ASB4: variants seen among roughly 807,000 people sequenced by gnomAD.
The protein encoded by ASB4 is ankyrin repeat and SOCS box protein 4.
In ASB4, 35 loss-of-function variants were observed where a neutral mutation model predicts 38.6. The ratio of observed to expected loss-of-function variants is 0.91; its 90% CI spans 0.69 to 1.20. The LOEUF (loss-of-function observed/expected upper bound fraction) is 1.20, where lower values mean the gene tolerates loss of function less well. Ranked by LOEUF, ASB4 falls within the 50% of genes most tolerant of loss-of-function variation. ASB4 has a pLI of 0.00. For missense variants in ASB4, 557 were observed against 527.2 expected (o/e 1.06, Z -0.55); for synonymous variants, 195 against 201.3 (o/e 0.97, Z 0.26).
intron 3 of ASB4, among the ~76,000 whole-genome samples, chr7:95,528,995 CT>C (rs2116647841): frequency 6.6e-6 from 1 of 152,238 alleles, no homozygotes. Flanking sequence ...CACGGTTTTT[CT>C]TAACAACATT....
intron 2 of ASB4, among the ~76,000 whole-genome samples, chr7:95,508,334 G>A (rs187393809): frequency 3.3e-5 from 5 of 152,088 alleles, no homozygotes; most frequent in Admixed American, 6.6e-5. Flanking sequence ...CCCTTTGAAG[G>A]GCATTTTTTA....
chr7:95,502,517 T>C (rs1194960261), intron 2 of ASB4, among the ~76,000 whole-genome samples: 1 of 152,140 alleles, frequency 6.6e-6, no homozygotes, highest in Non-Finnish European at 1.5e-5. Flanking sequence ...TGTCATTTAC[T>C]TAGGGCCTCA....
rs568404302 is a variant in ASB4, at chr7:95,519,726, A to G, written c.488-8087A>G. On this transcript the variant is annotated intron_variant, in intron 2 of 4. Coordinates refer to ENST00000325885, the MANE Select transcript of ASB4 (RefSeq NM_016116.3). ...CATGGTCTTTCTGACCTGTCTTAAT[A>G]CCTTTTCTAAGAAAAGTGTAATTTT... Among the ~76,000 whole-genome samples, 3 of 152,286 alleles carry G rather than the reference A, an allele frequency of 2.0e-5. No individual in the cohort carries two copies. The South Asian group carries it at 6.2e-4, about 32-fold the overall frequency.
chr7:95,501,148 A>G (rs750547646), intron 2 of ASB4, among the ~76,000 whole-genome samples: 1 of 152,136 alleles, frequency 6.6e-6, no homozygotes, highest in Admixed American at 6.6e-5. Flanking sequence ...TTTTTGTCTC[A>G]CTTTTCGTAA....
upstream of ASB4, among the ~76,000 whole-genome samples, chr7:95,477,244 T>C (rs1789985683): frequency 6.6e-6 from 1 of 152,174 alleles, no homozygotes; most frequent in African/African-American, 2.4e-5. Flanking sequence ...ATTCTCTCTC[T>C]AGAAAAACGT....
At chr7:95,481,489 A>G (rs1790021125), upstream of ASB4, among the ~76,000 whole-genome samples, 1 of 152,230 alleles carries the variant, frequency 6.6e-6, no homozygotes, top group South Asian at 2.1e-4. Flanking sequence ...CATCTAATTC[A>G]GCTGCTGAGA....
At chr7:95,533,898 T>G (rs1054101511) in intron 3 of ASB4, among the ~76,000 whole-genome samples, 2 of 152,234 alleles carry the variant, frequency 1.3e-5, no homozygotes, top group Non-Finnish European at 2.9e-5. Context: ...TATTAGGATT[T>G]CTGAAGCTGT....
At chr7:95,545,459 T>A in the ASB4 span, among the ~76,000 whole-genome samples, 1 of 152,216 alleles carries the variant, frequency 6.6e-6, no homozygotes, top group Non-Finnish European at 1.5e-5. Flanking sequence ...AGTTTCTCTC[T>A]GTGTAGCACT....
chr7:95,519,145 A>C (rs1790625411), intron 2 of ASB4, among the ~76,000 whole-genome samples: 1 of 152,196 alleles, frequency 6.6e-6, no homozygotes, highest in Admixed American at 6.5e-5. Flanking sequence ...ACACAAGAGA[A>C]TATATTTGCC....
intron 3 of ASB4, 88 bp from the exon 4 acceptor site, chr7:95,536,349 G>A (rs1790888982): frequency 6.3e-6 from 5 of 794,450 alleles, no homozygotes; most frequent in Non-Finnish European, 1.0e-5. Context: ...CATGCCCACT[G>A]GTCTGTGAAT....
rs370042858 is a variant in ASB4, at chr7:95,487,456, T to C, written c.187+1298T>C. Among the ~76,000 whole-genome samples the C allele has an allele frequency of 6.6e-5, 10 of 152,312 alleles. No individual in the cohort carries two copies. The East Asian group carries it at 1.2e-3, about 18-fold the overall frequency. ...GCTTATATTTGTGCCTAGGGTGAAA[T>C]AACTCAGGTTCAAGTCAGTGGGTAA... On this transcript the variant is annotated intron_variant, in intron 1 of 4. Coordinates refer to ENST00000325885, the MANE Select transcript of ASB4 (RefSeq NM_016116.3).
chr7:95,529,816 G>T (rs1198441970), intron 3 of ASB4, among the ~76,000 whole-genome samples: 1 of 152,016 alleles, frequency 6.6e-6, no homozygotes, highest in East Asian at 1.9e-4. Context: ...GGACTCTGAG[G>T]TGGGCACTGG....
chr7:95,489,240 A>C (rs532547471), intron 1 of ASB4, among the ~76,000 whole-genome samples: 1 of 152,254 alleles, frequency 6.6e-6, no homozygotes, highest in Non-Finnish European at 1.5e-5. Context: ...GCTCATAAGC[A>C]AATATGAAAT....
rs1432878191 is a variant in ASB4 at position 95,539,681 on chromosome 7, A to G, written c.*1922A>G. ...CTCACTTATAAGTGGGAGCTAAGCAATGAGGATGCAAAGACATCCAGAGTG... is the reference window on the plus strand; with the variant it reads ...CTCACTTATAAGTGGGAGCTAAGCAGTGAGGATGCAAAGACATCCAGAGTG... On this transcript the variant is annotated 3_prime_UTR_variant, in exon 5 of 5. Coordinates refer to ENST00000325885, the MANE Select transcript of ASB4 (RefSeq NM_016116.3). 1 of 152,436 alleles carries G rather than the reference A, an allele frequency of 6.6e-6. No homozygotes were observed. Among genetic ancestry groups the G allele is most frequent in the East Asian group, 1.9e-4 (1 of 5,192 alleles). The allele number at this position is 152,436 out of a possible 1,614,324, so 9.4% of individuals were successfully genotyped here. A position where few individuals can be genotyped will look rare whatever the true frequency, so the allele number is the denominator to read the frequency against.
chr7:95,536,671 G>A, intron 4 of ASB4, 121 bp downstream of exon 4: 4 of 584,168 alleles, frequency 6.8e-6, no homozygotes, highest in Non-Finnish European at 1.2e-5. Flanking sequence ...GTACTCAAAT[G>A]CAATGAGACA....
At chr7:95,473,223 G>A in the ASB4 span, among the ~76,000 whole-genome samples, 2 of 152,192 alleles carry the variant, frequency 1.3e-5, no homozygotes, top group African/African-American at 2.4e-5. Context: ...GAGACCTGTC[G>A]GATTGCACTG....
At position 95,537,738 on chromosome 7, in the gene ASB4, GC is replaced by G; in HGVS notation, c.1262del (p.Pro421GlnfsTer25). On this transcript the variant is annotated frameshift_variant, in exon 5 of 5. Coordinates refer to ENST00000325885, the MANE Select transcript of ASB4 (RefSeq NM_016116.3). Reference protein sequence around the residue: ...LSLKKYLLLEPEGIIY With the variant: ...LSLKKYLLLEXEGIIY ...CATTGAAAAAGTACTTGCTTTTAGA[GC>G]CAGAGGGAATTATTTATTAAGCCTT... 6.2e-7 allele frequency: 1 copy of G among 1,613,688 alleles called. No homozygotes were observed. Among genetic ancestry groups the G allele is most frequent in the Non-Finnish European group, 8.5e-7 (1 of 1,179,728 alleles).
Position 95,537,704 on chromosome 7 carries a change from T to G in ASB4, c.1226T>G (p.Leu409Arg), listed in dbSNP as rs773865308. The change falls in exon 5 of 5, where the codon CTC becomes CGC. Residue 409 changes from leucine to arginine, a missense_variant. Transcript: ENST00000325885. ...RCHRAIPLLS[L>R]PLSLKKYLLL... ...CATAGAGCAATTCCTTTGCTTTCCC[T>G]CCCATTGTCATTGAAAAAGTACTTG... 1.5e-5 allele frequency: 24 copies of G among 1,613,786 alleles called. No individual in the cohort carries two copies. Among genetic ancestry groups the G allele is most frequent in the Non-Finnish European group, 2.0e-5 (24 of 1,179,860 alleles).
intron 2 of ASB4, among the ~76,000 whole-genome samples, chr7:95,522,349 C>T (rs1348680907): frequency 1.3e-5 from 2 of 151,978 alleles, no homozygotes; most frequent in African/African-American, 2.4e-5. Flanking sequence ...TATAAAACAC[C>T]TCTATCAGTT....
Sources: allele counts gnomAD v4.1 joint callset (sites outside exome capture counted in the v4.1 genomes callset), GRCh38; gene constraint gnomAD v4.1.1; transcripts MANE v1.5; gene names NCBI Gene and HGNC (gene_info 2026-07-23, HGNC 2026-07-21).